Variants in NOP14 observed in about 807,000 individuals in gnomAD.
NOP14 encodes nucleolar protein 14.
Under a neutral mutation model 101.6 loss-of-function variants are expected in NOP14, and 57 were observed. The ratio of observed to expected loss-of-function variants is 0.56; its 90% CI spans 0.45 to 0.70. NOP14 has a LOEUF of 0.70. Among genes scored for constraint, NOP14 ranks in the 30% least tolerant of loss-of-function variants. The pLI, the probability that NOP14 is intolerant of heterozygous loss-of-function variation, is 0.00. For missense variants in NOP14, 1,134 were observed against 1,075.5 expected (o/e 1.05, Z -0.76); for synonymous variants, 428 against 424.0 (o/e 1.01, Z -0.12).
At chr4:2,941,787 C>A in intron 14 of NOP14, 58 bp from the exon 15 acceptor site, 1 of 1,553,118 alleles carries the variant, frequency 6.4e-7, no homozygotes, top group Non-Finnish European at 8.7e-7. Flanking sequence ...CTGACAAAAC[C>A]AATAACGTGG....
chr4:2,946,429 A>G lies in NOP14; in HGVS notation c.1618T>C (p.Leu540=). The G allele has an allele frequency of 1.2e-6, 2 of 1,614,258 alleles. No homozygotes were observed. Among genetic ancestry groups the G allele is most frequent in the Non-Finnish European group, 8.5e-7 (1 of 1,180,036 alleles). ...CTGCTTACCACATCCAACCCTGGCA[A>G]TGCCGCCCGGCCTTTGGTCTCAATC... is the stretch of plus-strand genomic sequence containing the variant. ...EMIETKGRAA[L]PGLDVLIYLK... The change falls in exon 11 of 18, where the codon TTG becomes CTG. Residue 540 remains leucine, a synonymous_variant. Coordinates refer to ENST00000416614, the MANE Select transcript of NOP14 (RefSeq NM_001291978.2).
rs143376913 is a variant in NOP14 at position 2,939,252 on chromosome 4, C to T, written c.2410G>A (p.Val804Ile). The T allele has an allele frequency of 3.5e-5, 56 of 1,613,906 alleles. No individual in the cohort carries two copies. Among genetic ancestry groups the T allele is most frequent in the South Asian group, 2.4e-4 (22 of 91,096 alleles). Residue 804 changes from valine (V) to isoleucine (I), a missense_variant, in exon 17 of 18, where the codon GTT becomes ATT. Val to Ile is a conservative substitution (Grantham distance 29). Coordinates refer to ENST00000416614, the MANE Select transcript of NOP14 (RefSeq NM_001291978.2). ...HKHKREFKGA[V>I]REIRKDNQFL... ...TGATTGTCCTTGCGGATTTCTCGAA[C>T]GGCCCCTTTAAATTCACGCTTGTGT... is the stretch of plus-strand genomic sequence containing the variant.
At chr4:2,939,022 C>T in intron 17 of NOP14, 92 bp from the exon 18 acceptor site, 1 of 1,472,000 alleles carries the variant, frequency 6.8e-7, no homozygotes, top group Non-Finnish European at 9.5e-7. Context: ...ACATTAGCCA[C>T]CGTGGCCACG....
chr4:2,951,178 G>T lies in NOP14; in HGVS notation c.938C>A (p.Ser313Ter). 6.2e-7 allele frequency: 1 copy of T among 1,613,636 alleles called. No individual in the cohort carries two copies. Among genetic ancestry groups the T allele is most frequent in the South Asian group, 1.1e-5 (1 of 91,074 alleles). Residue 313 changes from serine (S) to a stop codon, truncating the protein, a stop_gained, in exon 7 of 18, where the codon TCA (serine) becomes TAA (stop). Transcript: ENST00000416614. LOFTEE classifies it high-confidence loss of function. ...DENVKKPKHM[S>*]ADDLNDGFVL... ...GAAGCCATCATTCAGATCATCTGCT[G>T]ACATATGTTTTGGTTTCTTAACATT...
intron 14 of NOP14, 173 bp from the exon 15 acceptor site, chr4:2,941,902 C>T (rs1577820385): frequency 7.9e-6 from 6 of 763,234 alleles, no homozygotes; most frequent in Middle Eastern, 3.7e-4. Context: ...GGCTCAGGGT[C>T]AGGCCTAACG....
rs565632097 is a variant in NOP14 at position 2,938,601 on chromosome 4, G to C, written c.*230C>G. The C allele has an allele frequency of 2.0e-5, 11 of 537,454 alleles. No homozygotes were observed. The South Asian group carries it at 2.4e-4, about 12-fold the overall frequency. 33.3% of individuals were successfully genotyped at this position (537,454 alleles called of 1,614,324 possible). A position where few individuals can be genotyped will look rare whatever the true frequency, so the allele number is the denominator to read the frequency against. On this transcript the variant is annotated 3_prime_UTR_variant, in exon 18 of 18. Transcript: ENST00000416614. ...ACGGCTCACTGTAACCTTGGACTCA[G>C]CTCAAGCAGTCCTCCTGCTTCAGCC...
In NOP14 at chr4:2,944,070, C is replaced by G. The variant is rs759996786; in HGVS notation, c.1891+3G>C. ...TGTAGGAACCTCCCTCAAATCAACT[C>G]ACCTTGGCTTGCTTTGTTTGGAGTT... On this transcript the variant is annotated splice_donor_region_variant and intron_variant, in intron 13 of 17. Transcript: ENST00000416614. 1.9e-5 allele frequency: 30 copies of G among 1,602,430 alleles called. No individual in the cohort carries two copies. The highest frequency in any genetic ancestry group is 2.2e-5 in the Non-Finnish European group (26 of 1,175,552).
intron 1 of NOP14, among the ~76,000 whole-genome samples, chr4:2,960,859 TATTA>T (rs1326114605): frequency 1.7e-4 from 19 of 111,712 alleles, no homozygotes; most frequent in African/African-American, 7.0e-4. Context: ...ATTATCAATA[TATTA>T]ATATTATAAT....
intron 12 of NOP14, 132 bp downstream of exon 12, chr4:2,944,996 G>C: frequency 1.6e-6 from 1 of 624,890 alleles, no homozygotes; most frequent in Non-Finnish European, 2.8e-6. Context: ...GCCCTCTTTG[G>C]CCTAACCGCA....
chr4:2,941,426 A>G, intron 15 of NOP14, 156 bp downstream of exon 15: 1 of 674,862 alleles, frequency 1.5e-6, no homozygotes, highest in Non-Finnish European at 2.5e-6. Context: ...GTCACTGCCC[A>G]CTCTTATGAT....
intron 1 of NOP14, among the ~76,000 whole-genome samples, chr4:2,961,102 TATTTTA>T (rs1715818442): frequency 1.0e-4 from 4 of 38,604 alleles, no homozygotes; most frequent in African/African-American, 7.0e-4. Context: ...AATATATTAA[TATTTTA>T]ATAATATATT....
intron 6 of NOP14, among the ~76,000 whole-genome samples, chr4:2,951,569 G>T (rs1715031909): frequency 6.6e-6 from 1 of 152,168 alleles, no homozygotes; most frequent in South Asian, 2.1e-4. Flanking sequence ...TGCACCGAGA[G>T]AATAGGAGCC....
At chr4:2,957,549 GCCTTGACTTC>G in intron 2 of NOP14, 47 bp downstream of exon 2, 1 of 1,598,302 alleles carries the variant, frequency 6.3e-7, no homozygotes, top group Non-Finnish European at 8.6e-7. Context: ...CTTCTCCTTG[GCCTTGACTTC>G]CCTGTGAAAT....
In NOP14 at chr4:2,953,531, C is replaced by T; in HGVS notation, c.727G>A (p.Asp243Asn). The change falls in exon 5 of 18, where the codon GAC becomes AAC. Residue 243 changes from aspartate to asparagine, a missense_variant. Physicochemically the swap from Asp to Asn is conservative, Grantham distance 23. Coordinates refer to ENST00000416614, the MANE Select transcript of NOP14 (RefSeq NM_001291978.2). ...CCCACCTTGGGTTTTTCCTTTTTGT[C>T]TCTGTTCTCTGACTTGGGAGTTTTG... ...SHKTPKSENR[D>N]KKEKPKPDAY... 1 of 1,613,944 alleles carries T rather than the reference C, an allele frequency of 6.2e-7. No homozygotes were observed. The highest frequency in any genetic ancestry group is 8.5e-7 in the Non-Finnish European group (1 of 1,179,976).
intron 17 of NOP14, 88 bp downstream of exon 17, chr4:2,939,100 T>C (rs1054689541): frequency 5.1e-6 from 8 of 1,572,202 alleles, no homozygotes; most frequent in African/African-American, 4.0e-5. Context: ...GGCTGTGGGA[T>C]GCCAGGTGCC....
At position 2,946,921 on chromosome 4, in the gene NOP14, C is replaced by G. The variant is rs1714686678; in HGVS notation, c.1500-374G>C. On this transcript the variant is annotated intron_variant, in intron 10 of 17. Transcript: ENST00000416614. ...TGCATGCAGAAGATGACGTGGAGAGCTCCGCGCGGCACAGGGCAGGAAGCT... is the reference window on the plus strand; with the variant it reads ...TGCATGCAGAAGATGACGTGGAGAGGTCCGCGCGGCACAGGGCAGGAAGCT... 6.2e-5 allele frequency: 17 copies of G among 275,348 alleles called. No homozygotes were observed. The South Asian group carries it at 6.7e-4, about 11-fold the overall frequency. 17.1% of individuals were successfully genotyped at this position (275,348 alleles called of 1,614,324 possible).
chr4:2,940,109 C>T (rs977254941), intron 15 of NOP14, among the ~76,000 whole-genome samples: 10 of 152,230 alleles, frequency 6.6e-5, no homozygotes, highest in African/African-American at 2.4e-4. Flanking sequence ...TGCAAACTGA[C>T]GCTGGGTGCT....
At chr4:2,953,362 C>T in intron 5 of NOP14, 149 bp downstream of exon 5, 1 of 784,272 alleles carries the variant, frequency 1.3e-6, no homozygotes, top group East Asian at 2.5e-5. Context: ...CAAGATTACA[C>T]ACAGCAGGTA....
intron 5 of NOP14, among the ~76,000 whole-genome samples, chr4:2,952,823 A>T (rs1053640052): frequency 6.6e-6 from 1 of 152,242 alleles, no homozygotes; most frequent in African/African-American, 2.4e-5. Flanking sequence ...CGCGCCTGTA[A>T]TCCCAGCTAC....
Sources: allele counts gnomAD v4.1 joint callset (sites outside exome capture counted in the v4.1 genomes callset), GRCh38; gene constraint gnomAD v4.1.1; transcripts MANE v1.5; gene names NCBI Gene and HGNC (gene_info 2026-07-23, HGNC 2026-07-21).